MB21D2: variants seen among roughly 807,000 people sequenced by gnomAD.
MB21D2 encodes the protein nucleotidyltransferase MB21D2.
A neutral mutation model predicts 33.3 loss-of-function variants in MB21D2; 9 were observed. That is an observed-to-expected ratio of 0.27 (90% CI 0.16 to 0.47). The LOEUF is 0.47. MB21D2 is among the 20% of genes least tolerant of loss of function. The pLI is 0.99. For synonymous variants in MB21D2, 241 were observed against 236.3 expected (o/e 1.02, Z -0.18); for missense variants, 540 against 624.6 (o/e 0.86, Z 1.44).
At chr3:192,849,530 C>T in intron 1 of MB21D2, among the ~76,000 whole-genome samples, 1 of 152,126 alleles carries the variant, frequency 6.6e-6, no homozygotes, top group Non-Finnish European at 1.5e-5. Flanking sequence ...GTTGGTCAGG[C>T]TGGTCTTGAA....
At chr3:192,810,765 C>T (rs1409935566) in intron 1 of MB21D2, among the ~76,000 whole-genome samples, 3 of 152,204 alleles carry the variant, frequency 2.0e-5, no homozygotes, top group African/African-American at 7.2e-5. Context: ...TAGACACAGA[C>T]ATTTGTCTAA....
chr3:192,886,260 T>C (rs1272959609), intron 1 of MB21D2, among the ~76,000 whole-genome samples: 1 of 152,148 alleles, frequency 6.6e-6, no homozygotes, highest in Non-Finnish European at 1.5e-5. Context: ...ACCTGGTCTA[T>C]TTTTATAATT....
chr3:192,914,108 C>T (rs1714412949), intron 1 of MB21D2, among the ~76,000 whole-genome samples: 1 of 152,096 alleles, frequency 6.6e-6, no homozygotes, highest in African/African-American at 2.4e-5. Context: ...TCTTAATAGT[C>T]TCAAGTAGGA....
chr3:192,798,795 T>C lies in MB21D2; in HGVS notation c.1067A>G (p.His356Arg). 1.2e-6 allele frequency: 2 copies of C among 1,612,736 alleles called. No individual in the cohort carries two copies. Among genetic ancestry groups the C allele is most frequent in the Non-Finnish European group, 8.5e-7 (1 of 1,179,812 alleles). Residue 356 changes from histidine (H) to arginine (R), a missense_variant, in exon 2 of 2, where the codon CAC becomes CGC. By Grantham distance (29) the His-to-Arg change is conservative. Transcript: ENST00000392452. The surrounding 1 kb of genome is among the most constrained non-coding windows in gnomAD (Gnocchi z 4.8). Reference sequence around the variant, plus strand: ...GTCATCGATGAGGCCCAGCAAAAAGTGGGCTGCATAGTCTTCTTGAGCCAA... The same window carrying C: ...GTCATCGATGAGGCCCAGCAAAAAGCGGGCTGCATAGTCTTCTTGAGCCAA... The part of the protein sequence containing the change: ...NYLAQEDYAA[H>R]FLLGLIDDLQ...
chr3:192,842,835 A>T (rs953000893), intron 1 of MB21D2, among the ~76,000 whole-genome samples: 2 of 152,186 alleles, frequency 1.3e-5, no homozygotes, highest in African/African-American at 4.8e-5. Context: ...TGTCACATCC[A>T]CTGTGCATGT....
intron 1 of MB21D2, among the ~76,000 whole-genome samples, chr3:192,893,932 A>G (rs910274677): frequency 3.9e-5 from 6 of 152,086 alleles, no homozygotes; most frequent in African/African-American, 1.4e-4. Context: ...GCTACTGTGG[A>G]GGCTGAGGCA....
intron 1 of MB21D2, among the ~76,000 whole-genome samples, chr3:192,864,452 C>A (rs187524747): frequency 6.6e-6 from 1 of 152,278 alleles, no homozygotes; most frequent in East Asian, 1.9e-4. Context: ...CTCATGCAAT[C>A]CTTCTCCCTT....
intron 1 of MB21D2, among the ~76,000 whole-genome samples, chr3:192,859,560 C>T (rs1712993224): frequency 6.6e-6 from 1 of 152,176 alleles, no homozygotes; most frequent in South Asian, 2.1e-4. Context: ...CTTTTTCTCT[C>T]TCCCCTGAGT....
chr3:192,809,453 T>C (rs1284310238), intron 1 of MB21D2, among the ~76,000 whole-genome samples: 1 of 152,128 alleles, frequency 6.6e-6, no homozygotes, highest in East Asian at 1.9e-4. Context: ...ATAAATTGTT[T>C]ATGGCCATGA....
chr3:192,841,525 A>G (rs1465193828), intron 1 of MB21D2, among the ~76,000 whole-genome samples: 4 of 152,156 alleles, frequency 2.6e-5, no homozygotes, highest in Non-Finnish European at 5.9e-5. Flanking sequence ...GACAAAGTGA[A>G]GAAGAAGTGA....
intron 1 of MB21D2, among the ~76,000 whole-genome samples, chr3:192,906,462 G>C (rs1257744573): frequency 6.6e-6 from 1 of 152,150 alleles, no homozygotes; most frequent in Non-Finnish European, 1.5e-5. Context: ...CACCTTGAAA[G>C]CTCCTTTCAA....
At chr3:192,908,898 G>A (rs1714270407) in intron 1 of MB21D2, among the ~76,000 whole-genome samples, 1 of 152,082 alleles carries the variant, frequency 6.6e-6, no homozygotes, top group Admixed American at 6.6e-5. Context: ...GATCCCTGCA[G>A]AGAATAGCAT....
chr3:192,799,889 G>A lies in MB21D2; in HGVS notation c.212-239C>T, dbSNP rs558180028. 1.5e-4 allele frequency among the ~76,000 whole-genome samples: 23 copies of A among 152,204 alleles called. No individual in the cohort carries two copies. Among genetic ancestry groups the A allele is most frequent in the South Asian group, 4.2e-4 (2 of 4,818 alleles). On this transcript the variant is annotated intron_variant, in intron 1 of 1. Coordinates refer to ENST00000392452, the MANE Select transcript of MB21D2 (RefSeq NM_178496.4). The surrounding 1 kb of genome is among the most constrained non-coding windows in gnomAD (Gnocchi z 4.1). ...CTCTCTCAGTGTGAAAAGCAGTATC[G>A]TTTTCAATAATAAAACAGGGCCCCT...
At chr3:192,865,208 A>G (rs192427210) in intron 1 of MB21D2, among the ~76,000 whole-genome samples, 1 of 152,320 alleles carries the variant, frequency 6.6e-6, no homozygotes, top group East Asian at 1.9e-4. Flanking sequence ...ACCCTTCCAG[A>G]ACACTCTCAT....
intron 1 of MB21D2, among the ~76,000 whole-genome samples, chr3:192,895,374 A>C (rs1456477123): frequency 1.3e-5 from 2 of 152,200 alleles, no homozygotes; most frequent in Non-Finnish European, 2.9e-5. Context: ...CTTCTGTTCT[A>C]AGTAAAAATT....
At chr3:192,817,662 A>C (rs1026790103) in intron 1 of MB21D2, among the ~76,000 whole-genome samples, 10 of 152,062 alleles carry the variant, frequency 6.6e-5, no homozygotes. Context: ...TCCTTCCTGC[A>C]CACCCCATGC....
At chr3:192,841,879 G>C (rs549728737) in intron 1 of MB21D2, among the ~76,000 whole-genome samples, 11 of 152,348 alleles carry the variant, frequency 7.2e-5, no homozygotes, top group Admixed American at 7.2e-4. Context: ...GGATGAGTTT[G>C]TAAGAAGTGG....
chr3:192,884,377 T>C (rs536866035), intron 1 of MB21D2, among the ~76,000 whole-genome samples: 6 of 151,932 alleles, frequency 3.9e-5, no homozygotes, highest in African/African-American at 9.7e-5. Flanking sequence ...TTTTTTGTTG[T>C]TGTTGTTGAG....
intron 1 of MB21D2, among the ~76,000 whole-genome samples, chr3:192,862,086 G>T (rs1713056888): frequency 6.6e-6 from 1 of 152,194 alleles, no homozygotes; most frequent in Non-Finnish European, 1.5e-5. Context: ...TGTTTCAAGA[G>T]TGTGCTTTGG....
Sources: allele counts gnomAD v4.1 joint callset (sites outside exome capture counted in the v4.1 genomes callset), GRCh38; gene constraint gnomAD v4.1.1; non-coding constraint Gnocchi (gnomAD v3.1); transcripts MANE v1.5; gene names NCBI Gene and HGNC (gene_info 2026-07-23, HGNC 2026-07-21).